The following PTPRD variants were observed in gnomAD, a reference collection of about 807,000 sequenced individuals.
PTPRD encodes receptor-type tyrosine-protein phosphatase delta.
PTPRD carries 34 observed loss-of-function variants against 214.5 expected under a neutral mutation model. The observed-to-expected ratio is 0.16, with a 90% CI of 0.12 to 0.21. The LOEUF is 0.21. PTPRD is among the 10% of genes least tolerant of loss of function. PTPRD has a pLI of 1.00. For synonymous variants in PTPRD, 1,128 were observed against 845.7 expected, an observed-to-expected ratio of 1.33 and a Z score of -5.79; for missense variants, 2,545 against 2,398.7, an observed-to-expected ratio of 1.06 and a Z score of -1.27.
chr9:8,324,789 C>T (rs1054245282), intron 44 of PTPRD, among the ~76,000 whole-genome samples: 1 of 152,098 alleles, frequency 6.6e-6, no homozygotes, highest in Non-Finnish European at 1.5e-5. Flanking sequence ...TAATGATCGA[C>T]ATTCTAATTG....
chr9:9,201,012 G>A (rs750940351), intron 9 of PTPRD, among the ~76,000 whole-genome samples: 1 of 152,160 alleles, frequency 6.6e-6, no homozygotes, highest in Non-Finnish European at 1.5e-5. Context: ...TTTTACTGAA[G>A]GGTTAGAATA....
At chr9:9,192,462 A>G (rs1362264843) in intron 9 of PTPRD, among the ~76,000 whole-genome samples, 1 of 152,134 alleles carries the variant, frequency 6.6e-6, no homozygotes, top group Non-Finnish European at 1.5e-5. Flanking sequence ...TTGTTTTTAC[A>G]TGTTTGAAGT....
At chr9:9,091,228 C>A (rs9696480) in intron 10 of PTPRD, 16,649 of 1,301,756 alleles carry the variant, frequency 0.013, 462 homozygotes, top group African/African-American at 0.08. Context: ...CCCACGTCCC[C>A]CACCAAAGCC....
intron 4 of PTPRD, among the ~76,000 whole-genome samples, chr9:9,961,661 C>T (rs1441228678): frequency 6.6e-6 from 1 of 152,114 alleles, no homozygotes; most frequent in South Asian, 2.1e-4. Flanking sequence ...GTGTGGGAAG[C>T]AGGATGCTGG....
chr9:9,126,504 T>C (rs1348266325), intron 10 of PTPRD, among the ~76,000 whole-genome samples: 1 of 152,218 alleles, frequency 6.6e-6, no homozygotes, highest in Non-Finnish European at 1.5e-5. Flanking sequence ...AAAATTTCTA[T>C]GGCATACTTA....
chr9:9,991,697 A>G (rs2095933095), intron 4 of PTPRD, among the ~76,000 whole-genome samples: 1 of 152,164 alleles, frequency 6.6e-6, no homozygotes, highest in Non-Finnish European at 1.5e-5. Flanking sequence ...TGCACAGTCA[A>G]GTCATAGAGA....
intron 9 of PTPRD, among the ~76,000 whole-genome samples, chr9:9,210,172 G>C (rs969754301): frequency 6.6e-6 from 1 of 152,224 alleles, no homozygotes; most frequent in Admixed American, 6.5e-5. Context: ...TGAAAAGTCT[G>C]GAAAAGAGAG....
chr9:9,112,989 G>C (rs2099808249), intron 10 of PTPRD, among the ~76,000 whole-genome samples: 1 of 150,006 alleles, frequency 6.7e-6, no homozygotes, highest in Non-Finnish European at 1.5e-5. Flanking sequence ...GTTTGAGACA[G>C]AGTCTCTTTC....
In PTPRD at chr9:8,416,883, T is replaced by C. The variant is rs139628730; in HGVS notation, c.4087-12223A>G. On this transcript the variant is annotated intron_variant, in intron 35 of 45. Transcript: ENST00000381196. ...TAAAGAAATTGAGGCATAGAAGGGT[T>C]AAGATACTTTCCATGAGTCACTCTT... Among the ~76,000 whole-genome samples, 543 of 152,126 alleles carry C rather than the reference T, an allele frequency of 3.6e-3. 1 individual carries two copies. Among genetic ancestry groups the C allele is most frequent in the African/African-American group, 0.013 (520 of 41,528 alleles).
At chr9:9,251,513 C>T (rs932247596) in intron 9 of PTPRD, among the ~76,000 whole-genome samples, 3 of 151,854 alleles carry the variant, frequency 2.0e-5, no homozygotes, top group South Asian at 4.1e-4. Flanking sequence ...TTTTAAAAGC[C>T]GGCTCAAGGG....
chr9:9,958,693 C>G (rs1286474470), intron 4 of PTPRD, among the ~76,000 whole-genome samples: 2 of 152,116 alleles, frequency 1.3e-5, no homozygotes, highest in Non-Finnish European at 2.9e-5. Context: ...ACTTTTAAAA[C>G]TCAGCAATAA....
intron 9 of PTPRD, among the ~76,000 whole-genome samples, chr9:9,378,048 T>G (rs2061264359): frequency 6.6e-6 from 1 of 152,040 alleles, no homozygotes. Context: ...ACTGATATAT[T>G]TGTTACCGAT....
rs569256629 is a variant in PTPRD, at chr9:9,532,250, T to G, written c.-237+42482A>C. Among the ~76,000 whole-genome samples, 8 of 152,178 alleles carry G rather than the reference T, an allele frequency of 5.3e-5. No homozygotes were observed. The South Asian group carries it at 1.7e-3, about 32-fold the overall frequency. ...GAGAAGGTCTGTGTGGTGGATAAAA[T>G]CTGCAGAGATTTATATGAGGGTAGA... On this transcript the variant is annotated intron_variant, in intron 8 of 45. Coordinates refer to ENST00000381196, the MANE Select transcript of PTPRD (RefSeq NM_002839.4).
chr9:8,927,906 G>C (rs1183438214), intron 11 of PTPRD, among the ~76,000 whole-genome samples: 1 of 152,072 alleles, frequency 6.6e-6, no homozygotes, highest in East Asian at 1.9e-4. Context: ...CATTCTAACT[G>C]GCATGACATG....
intron 39 of PTPRD, among the ~76,000 whole-genome samples, chr9:8,360,853 A>C (rs2078288448): frequency 6.6e-6 from 1 of 152,172 alleles, no homozygotes; most frequent in Non-Finnish European, 1.5e-5. Flanking sequence ...ACAATGCATT[A>C]GGCTGAGAAA....
chr9:9,682,979 G>C (rs1204604999), intron 7 of PTPRD, among the ~76,000 whole-genome samples: 4 of 151,790 alleles, frequency 2.6e-5, no homozygotes, highest in Admixed American at 6.6e-5. Context: ...ATTAGTGATA[G>C]CCTCTTTACC....
chr9:9,203,225 C>T (rs1382463220), intron 9 of PTPRD, among the ~76,000 whole-genome samples: 1 of 151,778 alleles, frequency 6.6e-6, no homozygotes, highest in East Asian at 1.9e-4. Context: ...AGCGAGACTC[C>T]ATCAGACACA....
At chr9:9,410,866 C>A (rs527997094) in intron 8 of PTPRD, among the ~76,000 whole-genome samples, 2 of 152,290 alleles carry the variant, frequency 1.3e-5, no homozygotes, top group Admixed American at 6.5e-5. Context: ...CAGCAGAACT[C>A]TGCGACCACG....
intron 9 of PTPRD, among the ~76,000 whole-genome samples, chr9:9,197,657 C>T (rs1258073875): frequency 6.6e-6 from 1 of 152,066 alleles, no homozygotes; most frequent in East Asian, 1.9e-4. Context: ...GTGATCTGCC[C>T]GCCACGGCCT....
Sources: gnomAD v4.1 joint callset for allele counts (sites outside exome capture counted in the v4.1 genomes callset) on GRCh38, gnomAD v4.1.1 for gene constraint, MANE v1.5 for transcripts, NCBI Gene and HGNC (gene_info 2026-07-23, HGNC 2026-07-21) for gene names.